TANK: variants seen among roughly 807,000 people sequenced by gnomAD.
TANK encodes TRAF family member associated NFKB activator.
TANK carries 15 observed loss-of-function variants against 43.6 expected under a neutral mutation model. The observed-to-expected ratio is 0.34, with a 90% CI of 0.23 to 0.53. The LOEUF is 0.53. Among genes scored for constraint, TANK ranks in the 20% least tolerant of loss-of-function variants. The pLI, the probability that TANK is intolerant of heterozygous loss-of-function variation, is 0.94. For synonymous variants in TANK, 162 were observed against 178.2 expected, an observed-to-expected ratio of 0.91 and a Z score of 0.73; for missense variants, 417 against 498.6, an observed-to-expected ratio of 0.84 and a Z score of 1.56.
At chr2:161,137,189 C>T in intron 1 of TANK, 1 of 985,342 alleles carries the variant, frequency 1.0e-6, no homozygotes, top group Non-Finnish European at 1.2e-6. Flanking sequence ...TGACATGATT[C>T]AATAATGCCT....
chr2:161,191,820 A>G (rs992668857), intron 2 of TANK, among the ~76,000 whole-genome samples: 10 of 151,888 alleles, frequency 6.6e-5, no homozygotes, highest in Non-Finnish European at 1.5e-4. Context: ...TTGAGATGGA[A>G]TCTCACTCTG....
At chr2:161,166,963 G>A (rs1239751457) in intron 1 of TANK, among the ~76,000 whole-genome samples, 4 of 152,196 alleles carry the variant, frequency 2.6e-5, no homozygotes, top group Non-Finnish European at 5.9e-5. Flanking sequence ...AGGGCAAAGT[G>A]GAAGGAGTAG....
At chr2:161,220,240 T>G (rs1687281246) in intron 4 of TANK, among the ~76,000 whole-genome samples, 1 of 152,238 alleles carries the variant, frequency 6.6e-6, no homozygotes, top group African/African-American at 2.4e-5. Flanking sequence ...TTTTAAAGTT[T>G]AGGTTTCTTA....
chr2:161,140,507 C>A (rs886574742), intron 1 of TANK, among the ~76,000 whole-genome samples: 14 of 151,486 alleles, frequency 9.2e-5, no homozygotes, highest in Non-Finnish European at 1.9e-4. Flanking sequence ...TGTCACAGAA[C>A]TAATTTCTTG....
At chr2:161,195,037 G>A (rs190464834) in intron 2 of TANK, among the ~76,000 whole-genome samples, 2 of 152,104 alleles carry the variant, frequency 1.3e-5, no homozygotes, top group Admixed American at 1.3e-4. Flanking sequence ...CATTTTCCAC[G>A]TTATCAGAAT....
At chr2:161,185,098 T>C (rs1218615778) in intron 2 of TANK, among the ~76,000 whole-genome samples, 2 of 152,038 alleles carry the variant, frequency 1.3e-5, no homozygotes, top group Non-Finnish European at 2.9e-5. Context: ...ACTTGGAGAA[T>C]ACCAATATTT....
intron 1 of TANK, chr2:161,161,092 A>G (rs1012721690): frequency 7.3e-6 from 7 of 954,550 alleles, no homozygotes; most frequent in Non-Finnish European, 1.0e-5. Context: ...CACAGTGGGA[A>G]CCCAGGCGTT....
At chr2:161,212,898 C>A in intron 4 of TANK, 1 of 564,634 alleles carries the variant, frequency 1.8e-6, no homozygotes, top group Non-Finnish European at 2.2e-6. Context: ...GTTTATTTGG[C>A]TCATGATTTT....
intron 2 of TANK, among the ~76,000 whole-genome samples, chr2:161,198,991 A>G (rs1686283077): frequency 6.6e-6 from 1 of 152,146 alleles, no homozygotes; most frequent in Non-Finnish European, 1.5e-5. Flanking sequence ...ATCTCGTACT[A>G]TTTAAAGAAA....
chr2:161,166,136 A>C (rs1457943933), intron 1 of TANK, among the ~76,000 whole-genome samples: 1 of 152,228 alleles, frequency 6.6e-6, no homozygotes, highest in African/African-American at 2.4e-5. Flanking sequence ...TTTGGGTTTA[A>C]CCAGTGAGAC....
intron 1 of TANK, chr2:161,162,388 T>G (rs1156484859): frequency 6.6e-6 from 1 of 152,132 alleles, no homozygotes; most frequent in African/African-American, 2.4e-5. Context: ...TTTTCTTATA[T>G]TTTGTGACTG....
At chr2:161,184,965 A>G (rs1685590101) in intron 2 of TANK, among the ~76,000 whole-genome samples, 1 of 152,190 alleles carries the variant, frequency 6.6e-6, no homozygotes, top group Admixed American at 6.5e-5. Flanking sequence ...TTAAGAGTGT[A>G]TAGGTTGAAA....
chr2:161,205,059 T>G, intron 4 of TANK: 1 of 872,786 alleles, frequency 1.1e-6, no homozygotes, highest in South Asian at 2.3e-5. Flanking sequence ...ACACACTGAC[T>G]CACTCCTGTA....
At chr2:161,184,084 T>C (rs1685548009) in intron 2 of TANK, among the ~76,000 whole-genome samples, 1 of 151,940 alleles carries the variant, frequency 6.6e-6, no homozygotes, top group Non-Finnish European at 1.5e-5. Flanking sequence ...TAAAAAAAAC[T>C]CAGAAGTGAG....
In TANK at chr2:161,203,589, A is replaced by C. The variant is rs375493285; in HGVS notation, c.202A>C (p.Thr68Pro). 6.3e-7 allele frequency: 1 copy of C among 1,599,208 alleles called. No homozygotes were observed. Among genetic ancestry groups the C allele is most frequent in the African/African-American group, 1.3e-5 (1 of 74,642 alleles). The stretch of plus-strand genomic sequence containing the variant: ...ATCTCAGTTACTTCTTGTGAATTCC[A>C]CTCAAGGTATGTTCATGTTAATTTT... ...LKSQLLLVNSTQDNNYGCVPL... is the reference protein window; with the variant it reads ...LKSQLLLVNSPQDNNYGCVPL... The change falls in exon 3 of 8, where the codon ACT (threonine) becomes CCT (proline). Residue 68 changes from threonine (T) to proline (P), a missense_variant. Coordinates refer to ENST00000392749, the MANE Select transcript of TANK (RefSeq NM_001199135.3).
At chr2:161,226,235 G>A (rs959047468) in intron 6 of TANK, among the ~76,000 whole-genome samples, 2 of 152,094 alleles carry the variant, frequency 1.3e-5, no homozygotes, top group Admixed American at 6.5e-5. Flanking sequence ...CTGAGTATGT[G>A]TCTGTCAGCT....
At chr2:161,166,679 C>G (rs992043464) in intron 1 of TANK, among the ~76,000 whole-genome samples, 17 of 151,938 alleles carry the variant, frequency 1.1e-4, no homozygotes, top group African/African-American at 4.1e-4. Context: ...CTCAACTACT[C>G]AGAAGGCTGA....
intron 4 of TANK, among the ~76,000 whole-genome samples, chr2:161,205,641 A>AAT (rs1314657702): frequency 1.3e-5 from 2 of 152,210 alleles, no homozygotes; most frequent in East Asian, 3.8e-4. Flanking sequence ...CCAATAATAG[A>AAT]ATAGTCCATC....
chr2:161,157,505 A>G (rs1442924242), upstream of TANK, among the ~76,000 whole-genome samples: 1 of 152,210 alleles, frequency 6.6e-6, no homozygotes, highest in Non-Finnish European at 1.5e-5. Flanking sequence ...CAGCCAGTCC[A>G]GATGTCATCG....
Sources: gnomAD v4.1 joint callset for allele counts (sites outside exome capture counted in the v4.1 genomes callset) on GRCh38, gnomAD v4.1.1 for gene constraint, MANE v1.5 for transcripts, NCBI Gene and HGNC (gene_info 2026-07-23, HGNC 2026-07-21) for gene names.